Variants in HK1 observed in about 807,000 individuals in gnomAD.
HK1 encodes hexokinase-1.
Under a neutral mutation model 91.6 loss-of-function variants are expected in HK1, and 28 were observed. The ratio of observed to expected loss-of-function variants is 0.31; its 90% CI spans 0.23 to 0.42. The LOEUF (loss-of-function observed/expected upper bound fraction) is 0.42. Among genes scored for constraint, HK1 ranks in the 10% least tolerant of loss-of-function variants. The pLI is 1.00. For missense variants in HK1, 770 were observed against 1,219.8 expected, an observed-to-expected ratio of 0.63 and a Z score of 5.49; for synonymous variants, 430 against 468.1, an observed-to-expected ratio of 0.92 and a Z score of 1.05.
chr10:69,307,933 G>A (rs567420045), intron 5 of HK1, among the ~76,000 whole-genome samples: 2 of 151,972 alleles, frequency 1.3e-5, no homozygotes, highest in South Asian at 4.2e-4. Flanking sequence ...CTGCCTCCCC[G>A]GTTCAAGTGA....
chr10:69,284,859 C>T (rs1232321977), intron 2 of HK1, among the ~76,000 whole-genome samples: 1 of 151,992 alleles, frequency 6.6e-6, no homozygotes, highest in Non-Finnish European at 1.5e-5. Context: ...CTTTGTCACC[C>T]AGGCTGGAGT....
intron 4 of HK1, chr10:69,295,756 G>T: frequency 1.0e-6 from 1 of 972,872 alleles, no homozygotes. Context: ...ATCCCCTTTG[G>T]GATAATGATT....
chr10:69,382,613 C>G lies in HK1; in HGVS notation c.1392C>G (p.Ala464=), dbSNP rs192297958. 1.7e-5 allele frequency: 28 copies of G among 1,614,178 alleles called. No individual in the cohort carries two copies. The Middle Eastern group carries it at 9.9e-4, about 57-fold the overall frequency. ...AMVTAVAYRL[A]EQHRQIEETL... is the part of the protein sequence containing the mutation. ...TGACGGCGGTGGCCTACCGCTTGGC[C>G]GAGCAGCACCGGCAGATAGAGGAGA... The change falls in exon 10 of 18, where the codon GCC becomes GCG. Residue 464 remains alanine (A), a synonymous_variant. Transcript: ENST00000359426.
chr10:69,283,798 CA>C (rs571297748), intron 2 of HK1, among the ~76,000 whole-genome samples: 78 of 67,602 alleles, frequency 1.2e-3, no homozygotes, highest in Middle Eastern at 9.8e-3. Context: ...GACTCTGTCT[CA>C]AAAAAAAAAA....
intron 1 of HK1, among the ~76,000 whole-genome samples, chr10:69,337,748 T>C (rs1326532295): frequency 6.6e-6 from 1 of 152,200 alleles, no homozygotes; most frequent in African/African-American, 2.4e-5. Context: ...GCAGCTTCAG[T>C]CACGCCTGCT....
intron 7 of HK1, among the ~76,000 whole-genome samples, chr10:69,371,504 C>T (rs978973343): frequency 3.9e-5 from 6 of 152,198 alleles, no homozygotes; most frequent in African/African-American, 1.4e-4. Context: ...CTCAAATCTC[C>T]ACATTCCCAA....
At chr10:69,311,999 T>A (rs559947902), upstream of HK1, among the ~76,000 whole-genome samples, 2 of 152,134 alleles carry the variant, frequency 1.3e-5, no homozygotes, top group Non-Finnish European at 2.9e-5. Context: ...GAGGATGGGA[T>A]GTCTAGAAAG....
At chr10:69,305,525 C>G (rs1316763956) in intron 5 of HK1, among the ~76,000 whole-genome samples, 1 of 148,550 alleles carries the variant, frequency 6.7e-6, no homozygotes, top group African/African-American at 2.4e-5. Flanking sequence ...CTGTGTAAAA[C>G]CAAAGAAGAA....
At position 69,364,742 on chromosome 10, in the gene HK1, C is replaced by G. The variant is rs568644328; in HGVS notation, c.376-41C>G. 499 of 1,613,530 alleles carry G rather than the reference C, an allele frequency of 3.1e-4. 4 individuals carry two copies. In the South Asian group the frequency reaches 5.2e-3, roughly 17 times the overall value. ...TTATATTTTTCTATGAAATGCTAAG[C>G]CTGCTTTGGGGCCCCCTGACTGCTC... is the stretch of plus-strand genomic sequence containing the variant. On this transcript the variant is annotated intron_variant, in intron 3 of 17. Coordinates refer to ENST00000359426, the MANE Select transcript of HK1 (RefSeq NM_000188.3).
At chr10:69,362,436 T>TG (rs202207214) in intron 3 of HK1, among the ~76,000 whole-genome samples, 10 of 113,522 alleles carry the variant, frequency 8.8e-5, no homozygotes, top group South Asian at 2.6e-4. Flanking sequence ...AAAATAATGT[T>TG]TTTTTTTTTT....
chr10:69,276,515 C>T (rs995611845), intron 1 of HK1, among the ~76,000 whole-genome samples: 4 of 151,420 alleles, frequency 2.6e-5, no homozygotes, highest in East Asian at 1.9e-4. Flanking sequence ...AAAAATTAGC[C>T]GGGTGTGGTA....
In HK1 at chr10:69,355,068, C is replaced by CAA. The variant is rs775908068; in HGVS notation, c.227-4806_227-4805dup. Among the ~76,000 whole-genome samples the CAA allele has an allele frequency of 5.9e-3, 499 of 84,790 alleles. 7 individuals are homozygous for CAA. Among genetic ancestry groups the CAA allele is most frequent in the Non-Finnish European group, 7.5e-3 (316 of 42,410 alleles). 55.6% of individuals were successfully genotyped at this position (84,790 alleles called of 152,430 possible). On this transcript the variant is annotated intron_variant, in intron 2 of 17. Transcript: ENST00000359426. ...TGGGCAATGGAGGAAGACTCCCTCT[C>CAA]AAAAAAAAAAAAAAAAAAAAAAAAG...
intron 1 of HK1, among the ~76,000 whole-genome samples, chr10:69,331,571 C>T (rs1294219063): frequency 6.6e-6 from 1 of 152,162 alleles, no homozygotes; most frequent in African/African-American, 2.4e-5. Flanking sequence ...ATGAAATAGC[C>T]CGTTAATAGT....
At chr10:69,276,370 A>G (rs991386300) in intron 1 of HK1, among the ~76,000 whole-genome samples, 8 of 151,580 alleles carry the variant, frequency 5.3e-5, no homozygotes, top group Non-Finnish European at 1.0e-4. Flanking sequence ...TTAGAATATT[A>G]ACATCTGGCC....
chr10:69,292,576 C>T (rs1845343650), intron 3 of HK1, among the ~76,000 whole-genome samples: 1 of 152,146 alleles, frequency 6.6e-6, no homozygotes, highest in Non-Finnish European at 1.5e-5. Context: ...TGGGTTCCAT[C>T]CCTTCTCACC....
At chr10:69,314,824 TG>T (rs1409869338), upstream of HK1, among the ~76,000 whole-genome samples, 16 of 152,290 alleles carry the variant, frequency 1.1e-4, no homozygotes, top group African/African-American at 3.8e-4. Flanking sequence ...CTTGCCACTA[TG>T]CCCAGCTAAT....
At chr10:69,384,223 T>A in intron 10 of HK1, 110 bp from the exon 11 acceptor site, 1 of 1,316,350 alleles carries the variant, frequency 7.6e-7, no homozygotes, top group East Asian at 2.3e-5. Flanking sequence ...CAGCTTCTCC[T>A]CTATGTTTGC....
At chr10:69,284,082 A>G (rs754885582) in intron 2 of HK1, among the ~76,000 whole-genome samples, 9 of 152,128 alleles carry the variant, frequency 5.9e-5, no homozygotes, top group Non-Finnish European at 1.0e-4. Flanking sequence ...TGAGACTTGT[A>G]AAATGCCTCT....
At chr10:69,389,476 A>AGGGGGGGGGGG in intron 14 of HK1, 180 bp downstream of exon 14, 1 of 191,734 alleles carries the variant, frequency 5.2e-6, no homozygotes, top group Non-Finnish European at 1.1e-5. Flanking sequence ...TGGCGGGGGG[A>AGGGGGGGGGGG]GGTGGGGGGG....
Sources: allele counts gnomAD v4.1 joint callset (sites outside exome capture counted in the v4.1 genomes callset), GRCh38; gene constraint gnomAD v4.1.1; transcripts MANE v1.5; gene names NCBI Gene and HGNC (gene_info 2026-07-23, HGNC 2026-07-21).